TTC34: variants seen among roughly 807,000 people sequenced by gnomAD.
TTC34 encodes tetratricopeptide repeat domain 34.
Under a neutral mutation model 40.7 loss-of-function variants are expected in TTC34, and 44 were observed. The observed-to-expected ratio is 1.08, with a 90% CI of 0.85 to 1.39. The LOEUF is 1.39. Ranked by LOEUF, TTC34 falls within the 40% of genes most tolerant of loss-of-function variation. The probability of loss-of-function intolerance (pLI) is 0.00; values close to 1 mark genes in which losing one functional copy is unlikely to be tolerated. For missense variants in TTC34, 884 were observed against 838.0 expected (o/e 1.05, Z -0.68); for synonymous variants, 422 against 398.6 (o/e 1.06, Z -0.70).
At chr1:2,686,392 C>T (rs1301490141) in intron 6 of TTC34, among the ~76,000 whole-genome samples, 39 of 149,764 alleles carry the variant, frequency 2.6e-4, no homozygotes, top group East Asian at 6.0e-4. Context: ...TCTGGAGCAG[C>T]ACCCACACCC....
chr1:2,699,566 A>G (rs888434492), intron 6 of TTC34, among the ~76,000 whole-genome samples: 31 of 131,524 alleles, frequency 2.4e-4, no homozygotes, highest in South Asian at 7.7e-4. Context: ...CTGGAGCAGC[A>G]CCCACACCCC....
Position 2,645,220 on chromosome 1 carries a change from C to G in TTC34, c.2497+73G>C. 6 of 1,395,350 alleles carry G rather than the reference C, an allele frequency of 4.3e-6. No individual in the cohort carries two copies. The highest frequency in any genetic ancestry group is 1.6e-5 in the South Asian group (1 of 61,906). The allele number at this position is 1,395,350 out of a possible 1,614,324, so 86.4% of individuals were successfully genotyped here. A position where few individuals can be genotyped will look rare whatever the true frequency, so the allele number is the denominator to read the frequency against. The stretch of plus-strand genomic sequence containing the variant: ...GTCTCTTTCTTCCATTTTTACAGAA[C>G]AGGATACAGAGGTCAGAGGAGCGGG... On this transcript the variant is annotated intron_variant, in intron 7 of 8. Transcript: ENST00000401095. The surrounding 1 kb of genome is among the most constrained non-coding windows in gnomAD (Gnocchi z 4.7).
intron 8 of TTC34, among the ~76,000 whole-genome samples, chr1:2,643,878 C>G (rs963051632): frequency 2.0e-5 from 3 of 152,252 alleles, no homozygotes; most frequent in Non-Finnish European, 4.4e-5. Flanking sequence ...CTGCTGTGCT[C>G]TTGGCCTCCC....
intron 6 of TTC34, among the ~76,000 whole-genome samples, chr1:2,756,802 C>A (rs1204878924): frequency 0.027 from 1,654 of 61,132 alleles, no homozygotes; most frequent in South Asian, 0.045. Context: ...GGTGAACATC[C>A]GACAGCCTGG....
At chr1:2,751,693 A>ACAG (rs1641325916) in intron 6 of TTC34, among the ~76,000 whole-genome samples, 1 of 13,262 alleles carries the variant, frequency 7.5e-5, no homozygotes. Context: ...CACAACCCCA[A>ACAG]GCGAGCATCC....
chr1:2,750,694 T>C (rs1479988299), intron 6 of TTC34, among the ~76,000 whole-genome samples: 119 of 30,794 alleles, frequency 3.9e-3, no homozygotes, highest in Middle Eastern at 0.019. Context: ...CACCCCCAAG[T>C]GAGCATCCGA....
At chr1:2,790,371 G>C in intron 2 of TTC34, 25 bp from the exon 3 acceptor site, 1 of 398,566 alleles carries the variant, frequency 2.5e-6, no homozygotes, top group African/African-American at 2.1e-5. Flanking sequence ...AGAGGCGTGG[G>C]TTCTGCCTGG....
intron 6 of TTC34, among the ~76,000 whole-genome samples, chr1:2,673,788 T>G (rs1317582375): frequency 6.3e-5 from 1 of 15,778 alleles, no homozygotes; most frequent in South Asian, 1.5e-3. Context: ...GTCTGGAGCA[T>G]CACACACAAC....
At chr1:2,768,136 G>A (rs1199903438) in intron 6 of TTC34, among the ~76,000 whole-genome samples, 1 of 151,522 alleles carries the variant, frequency 6.6e-6, no homozygotes, top group Non-Finnish European at 1.5e-5. Flanking sequence ...ACTTAGGTAA[G>A]AATCTGAAAG....
chr1:2,637,039 G>A (rs1638808580), exon 9 of TTC34: 1 of 152,250 alleles, frequency 6.6e-6, no homozygotes, highest in African/African-American at 2.4e-5. Context: ...TCTCAGCAGA[G>A]AGGGGATGCA....
intron 6 of TTC34, among the ~76,000 whole-genome samples, chr1:2,773,244 A>G (rs1569849516): frequency 7.9e-6 from 1 of 127,150 alleles, no homozygotes; most frequent in Non-Finnish European, 1.7e-5. Flanking sequence ...GACAGCCTGG[A>G]GCAGCACCCA....
intron 6 of TTC34, among the ~76,000 whole-genome samples, chr1:2,769,674 C>G (rs1393017903): frequency 1.5e-5 from 2 of 131,238 alleles, no homozygotes; most frequent in African/African-American, 5.8e-5. Context: ...CCCTACACCC[C>G]CAGGGGAGCA....
chr1:2,768,530 C>A (rs1489400029), intron 6 of TTC34, among the ~76,000 whole-genome samples: 1 of 151,660 alleles, frequency 6.6e-6, no homozygotes, highest in Non-Finnish European at 1.5e-5. Context: ...CCTGGAACAG[C>A]ACCCCACAAC....
intron 1 of TTC34, 143 bp downstream of exon 1, chr1:2,801,434 G>C (rs1400989505): frequency 6.6e-6 from 1 of 152,386 alleles, no homozygotes; most frequent in East Asian, 1.9e-4. Context: ...TGAGGTTGAG[G>C]TTCCAGGGAC....
exon 9 of TTC34, chr1:2,641,629 C>T: frequency 6.5e-7 from 1 of 1,534,980 alleles, no homozygotes; most frequent in Non-Finnish European, 8.7e-7. Context: ...CGGCCGCCGC[C>T]TCATCCCCCA....
Position 2,645,254 on chromosome 1 carries a change from C to T in TTC34, c.2497+39G>A. ...GAGGTCAGAGGAGCGGGGACAGAAG[C>T]CCAGACCCCGTGTTTCCCACCTTGG... On this transcript the variant is annotated intron_variant, in intron 7 of 8. Transcript: ENST00000401095. The surrounding 1 kb of genome is among the most constrained non-coding windows in gnomAD (Gnocchi z 4.7). The T allele has an allele frequency of 2.1e-6, 3 of 1,437,360 alleles. No individual in the cohort carries two copies. The highest frequency in any genetic ancestry group is 2.7e-6 in the Non-Finnish European group (3 of 1,097,426). 89.0% of individuals were successfully genotyped at this position (1,437,360 alleles called of 1,614,324 possible). A position where few individuals can be genotyped will look rare whatever the true frequency, so the allele number is the denominator to read the frequency against.
chr1:2,778,423 G>A (rs928590442), intron 6 of TTC34, among the ~76,000 whole-genome samples: 12 of 152,284 alleles, frequency 7.9e-5, no homozygotes, highest in Non-Finnish European at 1.3e-4. Context: ...CTCTTGTCAT[G>A]GGCCTGGGAG....
At chr1:2,752,797 T>G (rs1453266375) in intron 6 of TTC34, among the ~76,000 whole-genome samples, 7 of 127,572 alleles carry the variant, frequency 5.5e-5, no homozygotes, top group Admixed American at 1.6e-4. Context: ...TGTGACAGCC[T>G]GGAACAGCTC....
rs1043783161 is a variant in TTC34, at chr1:2,779,914, A to AT, written c.2226+3694dup. ...AAATGTCTGTTTAAGTCCTTTGCTCATTTTTTTTGAATGACACAGTGAAAC... is the reference window on the plus strand; with the variant it reads ...AAATGTCTGTTTAAGTCCTTTGCTCATTTTTTTTTGAATGACACAGTGAAAC... On this transcript the variant is annotated intron_variant, in intron 6 of 8. Coordinates refer to ENST00000401095, the Ensembl canonical transcript of TTC34. 7.9e-5 allele frequency among the ~76,000 whole-genome samples: 12 copies of AT among 151,922 alleles called. No homozygotes were observed. The South Asian group carries it at 1.5e-3, about 18-fold the overall frequency.
Sources: gnomAD v4.1 joint callset for allele counts (sites outside exome capture counted in the v4.1 genomes callset) on GRCh38, gnomAD v4.1.1 for gene constraint, Gnocchi (gnomAD v3.1) non-coding constraint, MANE v1.5 for transcripts, NCBI Gene and HGNC (gene_info 2026-07-23, HGNC 2026-07-21) for gene names.